The following EFCAB11 variants were observed in gnomAD, a reference collection of about 807,000 sequenced individuals.
The protein encoded by EFCAB11 is EF-hand calcium binding domain 11, also known as EF-hand calcium-binding domain-containing protein 11.
A neutral mutation model predicts 23.0 loss-of-function variants in EFCAB11; 14 were observed. The observed-to-expected ratio is 0.61, with a 90% CI of 0.40 to 0.95. The LOEUF is 0.95. EFCAB11 is among the 40% of genes least tolerant of loss of function. The pLI is 0.00. For synonymous variants in EFCAB11, 65 were observed against 66.6 expected (o/e 0.98, Z 0.11); for missense variants, 198 against 195.8 (o/e 1.01, Z -0.07).
At chr14:89,930,910 C>T (rs914518174) in intron 5 of EFCAB11, 2 of 152,254 alleles carry the variant, frequency 1.3e-5, no homozygotes, top group Non-Finnish European at 2.9e-5. Context: ...TGTGTTCTCA[C>T]GTCAGCATGT....
chr14:89,899,612 T>C (rs1320495096), intron 5 of EFCAB11, among the ~76,000 whole-genome samples: 1 of 152,242 alleles, frequency 6.6e-6, no homozygotes, highest in African/African-American at 2.4e-5. Flanking sequence ...GTACCCAGAA[T>C]ATGTAAAGAG....
At chr14:89,849,749 G>A (rs764812615) in intron 5 of EFCAB11, among the ~76,000 whole-genome samples, 3 of 151,572 alleles carry the variant, frequency 2.0e-5, no homozygotes, top group Non-Finnish European at 4.4e-5. Flanking sequence ...ATGGAAAACA[G>A]GTCATATTTA....
intron 5 of EFCAB11, among the ~76,000 whole-genome samples, chr14:89,821,202 T>G (rs944099696): frequency 6.6e-6 from 1 of 152,062 alleles, no homozygotes; most frequent in Non-Finnish European, 1.5e-5. Flanking sequence ...GTAAAGCAGA[T>G]TGCGCTCCAT....
intron 5 of EFCAB11, among the ~76,000 whole-genome samples, chr14:89,826,783 T>C (rs1159985300): frequency 2.6e-5 from 4 of 152,156 alleles, no homozygotes; most frequent in African/African-American, 9.7e-5. Flanking sequence ...ATTACTACTA[T>C]AATGGCTAAG....
chr14:89,833,221 T>C (rs572786008), intron 5 of EFCAB11: 7 of 151,196 alleles, frequency 4.6e-5, no homozygotes, highest in South Asian at 2.1e-4. Flanking sequence ...ATGATGAATA[T>C]TGTTATTAAA....
chr14:89,892,352 G>C (rs1348531781), intron 5 of EFCAB11: 29 of 1,613,480 alleles, frequency 1.8e-5, no homozygotes, highest in Non-Finnish European at 2.3e-5. Context: ...CATCAAGCTA[G>C]AAGAGGGCTT....
At chr14:89,908,522 G>C (rs1889565613) in intron 5 of EFCAB11, among the ~76,000 whole-genome samples, 1 of 152,066 alleles carries the variant, frequency 6.6e-6, no homozygotes, top group South Asian at 2.1e-4. Context: ...TTACCTTCAG[G>C]CTTTGTGTAT....
intron 5 of EFCAB11, among the ~76,000 whole-genome samples, chr14:89,821,002 A>G (rs1271746105): frequency 6.6e-6 from 1 of 152,034 alleles, no homozygotes; most frequent in Non-Finnish European, 1.5e-5. Flanking sequence ...TGCCACCTTG[A>G]ACTCCTGGGA....
chr14:89,932,408 G>A, intron 4 of EFCAB11, 118 bp downstream of exon 4: 1 of 761,632 alleles, frequency 1.3e-6, no homozygotes, highest in African/African-American at 1.8e-5. Context: ...AACAGCTAAT[G>A]AATACAGTAA....
chr14:89,885,882 C>CTTTTTTT (rs149131993), intron 5 of EFCAB11, among the ~76,000 whole-genome samples: 1 of 144,006 alleles, frequency 6.9e-6, no homozygotes. Flanking sequence ...TTGTTTTTTT[C>CTTTTTTT]TTTTTTTTTC....
intron 5 of EFCAB11, among the ~76,000 whole-genome samples, chr14:89,909,332 C>G (rs1304676917): frequency 1.3e-5 from 2 of 152,224 alleles, no homozygotes; most frequent in African/African-American, 2.4e-5. Flanking sequence ...AATCCCAGCA[C>G]TTTGGGAGGC....
intron 5 of EFCAB11, among the ~76,000 whole-genome samples, chr14:89,889,120 C>G (rs1170312865): frequency 6.6e-6 from 1 of 152,096 alleles, no homozygotes; most frequent in East Asian, 1.9e-4. Context: ...TTTTTCAAAT[C>G]TGAAAATTAA....
chr14:89,918,921 G>T (rs1030409670), intron 5 of EFCAB11, among the ~76,000 whole-genome samples: 11 of 150,916 alleles, frequency 7.3e-5, no homozygotes, highest in African/African-American at 2.7e-4. Context: ...AGCAATAGGG[G>T]TATTGTCTGA....
intron 5 of EFCAB11, among the ~76,000 whole-genome samples, chr14:89,874,917 C>G (rs2140167820): frequency 6.6e-6 from 1 of 152,198 alleles, no homozygotes; most frequent in South Asian, 2.1e-4. Flanking sequence ...CTCAAGTCAC[C>G]TCTTGAATGC....
rs1217000437 is a variant in EFCAB11, at chr14:89,794,881, G to A, written c.*2362C>T. The A allele has an allele frequency of 6.7e-6, 1 of 149,702 alleles. No individual in the cohort carries two copies. The highest frequency in any genetic ancestry group is 1.5e-5 in the Non-Finnish European group (1 of 67,462). 9.3% of individuals were successfully genotyped at this position (149,702 alleles called of 1,614,324 possible). ...CCCCTACTATTAACATTATATATGA[G>A]TAGGATACATTTGTTACAATTAATG... On this transcript the variant is annotated 3_prime_UTR_variant, in exon 6 of 6. Transcript: ENST00000316738.
chr14:89,941,058 A>G (rs1003228299), intron 3 of EFCAB11, among the ~76,000 whole-genome samples: 1 of 152,198 alleles, frequency 6.6e-6, no homozygotes, highest in Non-Finnish European at 1.5e-5. Flanking sequence ...GCCTTACAAA[A>G]TTCACTACTG....
chr14:89,876,944 A>G (rs1057012927), intron 5 of EFCAB11, among the ~76,000 whole-genome samples: 1 of 152,146 alleles, frequency 6.6e-6, no homozygotes, highest in Non-Finnish European at 1.5e-5. Context: ...ACTATCCACA[A>G]TTGATGTCTA....
At chr14:89,924,354 T>C in intron 5 of EFCAB11, 1 of 1,133,424 alleles carries the variant, frequency 8.8e-7, no homozygotes, top group Non-Finnish European at 1.1e-6. Flanking sequence ...TACATCATCA[T>C]GTGGCAATCT....
intron 5 of EFCAB11, chr14:89,848,550 G>A (rs1887502789): frequency 6.6e-6 from 1 of 152,200 alleles, no homozygotes. Context: ...CTCTTAATTT[G>A]GGTATAGATC....
Sources: gnomAD v4.1 joint callset for allele counts (sites outside exome capture counted in the v4.1 genomes callset) on GRCh38, gnomAD v4.1.1 for gene constraint, MANE v1.5 for transcripts, NCBI Gene and HGNC (gene_info 2026-07-23, HGNC 2026-07-21) for gene names.